TMX1: variants seen among roughly 807,000 people sequenced by gnomAD.
The protein encoded by TMX1 is thioredoxin related transmembrane protein 1.
A neutral mutation model predicts 36.6 loss-of-function variants in TMX1; 25 were observed. The observed-to-expected ratio is 0.68, with a 90% CI of 0.50 to 0.95. TMX1 has a LOEUF of 0.95. TMX1 is among the 40% of genes least tolerant of loss of function. The pLI, the probability that TMX1 is intolerant of heterozygous loss-of-function variation, is 0.00. For synonymous variants in TMX1, 133 were observed against 118.0 expected (o/e 1.13, Z -0.82); for missense variants, 347 against 339.6 (o/e 1.02, Z -0.17).
chr14:51,247,293 A>G (rs1450851107), intron 4 of TMX1, 73 bp downstream of exon 4: 4 of 1,478,830 alleles, frequency 2.7e-6, no homozygotes, highest in African/African-American at 2.9e-5. Context: ...TATGTAAAGC[A>G]TTCATACTCA....
rs745842453 is a variant in TMX1, at chr14:51,254,548, G to A, written c.*29G>A. 1.3e-6 allele frequency: 2 copies of A among 1,548,676 alleles called. No individual in the cohort carries two copies. Among genetic ancestry groups the A allele is most frequent in the Admixed American group, 2.2e-5 (1 of 45,272 alleles). On this transcript the variant is annotated 3_prime_UTR_variant, in exon 8 of 8. Transcript: ENST00000457354. ...AATTTTATAGTTATCTTAATATTAT[G>A]ATTTTGATAAAAACAGAAGATTGAT... is the stretch of plus-strand genomic sequence containing the variant.
chr14:51,246,088 T>A (rs1566710401), intron 3 of TMX1, among the ~76,000 whole-genome samples: 1 of 152,140 alleles, frequency 6.6e-6, no homozygotes, highest in African/African-American at 2.4e-5. Context: ...TTCTTTTTTT[T>A]ATGGTTTTAA....
At position 51,247,140 on chromosome 14, in the gene TMX1, G is replaced by A. The variant is rs764876179; in HGVS notation, c.363G>A (p.Lys121=). The A allele has an allele frequency of 1.2e-6, 2 of 1,612,808 alleles. No individual in the cohort carries two copies. Among genetic ancestry groups the A allele is most frequent in the East Asian group, 2.2e-5 (1 of 44,798 alleles). The change falls in exon 4 of 8, where the codon AAG becomes AAA. Residue 121 remains lysine, a synonymous_variant. Coordinates refer to ENST00000457354, the MANE Select transcript of TMX1 (RefSeq NM_030755.5). Reference sequence around the variant, plus strand: ...GCTATCAGGGTCCAAGGACTAAGAAGGACTTCATAAACTTTATAAGTGATA... The same window carrying A: ...GCTATCAGGGTCCAAGGACTAAGAAAGACTTCATAAACTTTATAAGTGATA... ...FRRYQGPRTK[K]DFINFISDKE... is the part of the protein sequence containing the mutation.
At chr14:51,242,414 A>G (rs1467524533) in intron 1 of TMX1, among the ~76,000 whole-genome samples, 2 of 152,228 alleles carry the variant, frequency 1.3e-5, no homozygotes, top group African/African-American at 4.8e-5. Flanking sequence ...TGGTCCAACT[A>G]TATAAATACA....
chr14:51,254,892 T>C lies in TMX1; in HGVS notation c.*373T>C, dbSNP rs1257513702. ...AGAGAAAAATATTTCTCATTTGATA[T>C]AATTTTTCTCTGTTTCACTGTGTGA... On this transcript the variant is annotated 3_prime_UTR_variant, in exon 8 of 8. Transcript: ENST00000457354. The C allele has an allele frequency of 6.5e-6, 1 of 154,654 alleles. No individual in the cohort carries two copies. Among genetic ancestry groups the C allele is most frequent in the Non-Finnish European group, 1.4e-5 (1 of 69,444 alleles). The allele number at this position is 154,654 out of a possible 1,614,324, so 9.6% of individuals were successfully genotyped here.
intron 7 of TMX1, among the ~76,000 whole-genome samples, chr14:51,253,076 T>A (rs2065822299): frequency 6.6e-6 from 1 of 151,966 alleles, no homozygotes; most frequent in South Asian, 2.1e-4. Flanking sequence ...CACCCACCTA[T>A]TTTTTGGAGA....
At chr14:51,244,029 CT>C in intron 2 of TMX1, 58 bp downstream of exon 2, 1 of 1,356,502 alleles carries the variant, frequency 7.4e-7, no homozygotes, top group Non-Finnish European at 1.0e-6. Flanking sequence ...TATATTTATC[CT>C]TTTTTCTACA....
chr14:51,245,581 A>G, intron 3 of TMX1: 1 of 1,150,180 alleles, frequency 8.7e-7, no homozygotes, highest in Non-Finnish European at 1.2e-6. Flanking sequence ...GTTGTTTTGG[A>G]AAGTGATGTT....
At chr14:51,254,125 A>C (rs2065827454) in intron 7 of TMX1, 1 of 367,120 alleles carries the variant, frequency 2.7e-6, no homozygotes, top group East Asian at 5.1e-5. Context: ...GGGTAATTAG[A>C]ATGACTTTGA....
rs997784294 is a variant in TMX1 at position 51,240,326 on chromosome 14, G to C, written c.34G>C (p.Ala12Pro). Reference sequence around the variant, plus strand: ...CTCCGGGAGTCTTGCAGTTCCCCTGGCAGTCCTGGTGCTGTTGCTTTGGGG... The same window carrying C: ...CTCCGGGAGTCTTGCAGTTCCCCTGCCAGTCCTGGTGCTGTTGCTTTGGGG... ...APSGSLAVPL[A>P]VLVLLLWGAP... Residue 12 changes from alanine to proline, a missense_variant, in exon 1 of 8, where the codon GCA (alanine) becomes CCA (proline). Coordinates refer to ENST00000457354, the MANE Select transcript of TMX1 (RefSeq NM_030755.5). 3 of 1,613,362 alleles carry C rather than the reference G, an allele frequency of 1.9e-6. No homozygotes were observed. The highest frequency in any genetic ancestry group is 2.5e-6 in the Non-Finnish European group (3 of 1,179,988).
chr14:51,240,320 C>A lies in TMX1; in HGVS notation c.28C>A (p.Pro10Thr). The change falls in exon 1 of 8, where the codon CCC (proline) becomes ACC (threonine). Residue 10 changes from proline (P) to threonine (T), a missense_variant. Pro to Thr is a conservative substitution (Grantham distance 38). Coordinates refer to ENST00000457354, the MANE Select transcript of TMX1 (RefSeq NM_030755.5). MAPSGSLAV[P>T]LAVLVLLLWG... ...GGCGCCCTCCGGGAGTCTTGCAGTT[C>A]CCCTGGCAGTCCTGGTGCTGTTGCT... The A allele has an allele frequency of 1.2e-6, 2 of 1,613,114 alleles. No individual in the cohort carries two copies. Among genetic ancestry groups the A allele is most frequent in the Non-Finnish European group, 8.5e-7 (1 of 1,179,976 alleles).
At chr14:51,245,649 G>A in intron 3 of TMX1, 7 of 489,768 alleles carry the variant, frequency 1.4e-5, no homozygotes, top group South Asian at 1.4e-4. Flanking sequence ...CCAAAGTAGT[G>A]GTGAGTCCTG....
rs1001027231 is a variant in TMX1 at position 51,252,136 on chromosome 14, A to G, written c.665-2205A>G. Among the ~76,000 whole-genome samples the G allele has an allele frequency of 1.6e-4, 25 of 151,826 alleles. No individual in the cohort carries two copies. The South Asian group carries it at 1.9e-3, about 11-fold the overall frequency. On this transcript the variant is annotated intron_variant, in intron 7 of 7. Transcript: ENST00000457354. Reference sequence around the variant, plus strand: ...TGAACCTAAGGAAATGACAGAGATAATACTCTACCTCTTTTAGGAAGTTAC... The same window carrying G: ...TGAACCTAAGGAAATGACAGAGATAGTACTCTACCTCTTTTAGGAAGTTAC...
rs1171775556 is a variant in TMX1, at chr14:51,255,986, G to A, written c.*1467G>A. 1 of 152,482 alleles carries A rather than the reference G, an allele frequency of 6.6e-6. No homozygotes were observed. The highest frequency in any genetic ancestry group is 1.5e-5 in the Non-Finnish European group (1 of 67,946). 9.4% of individuals were successfully genotyped at this position (152,482 alleles called of 1,614,324 possible). Reference sequence around the variant, plus strand: ...ATTGAAGAGTTTGGATGTGTAACTTGTGATGCCTTAGAAAAATATCCTAAG... The same window carrying A: ...ATTGAAGAGTTTGGATGTGTAACTTATGATGCCTTAGAAAAATATCCTAAG... On this transcript the variant is annotated 3_prime_UTR_variant, in exon 8 of 8. Transcript: ENST00000457354.
intron 1 of TMX1, 121 bp from the exon 2 acceptor site, chr14:51,243,735 C>T: frequency 1.5e-6 from 1 of 684,012 alleles, no homozygotes; most frequent in African/African-American, 1.8e-5. Context: ...ACCACCTTAT[C>T]ATCTTCAGTG....
rs147553138 is a variant in TMX1 at position 51,246,751 on chromosome 14, T to C, written c.315-341T>C. ...ATAATTACTATGTGCCAAGCACTAT[T>C]CTAATAATTTTTATATAATTCTTTT... is the stretch of plus-strand genomic sequence containing the variant. On this transcript the variant is annotated intron_variant, in intron 3 of 7. Transcript: ENST00000457354. Among the ~76,000 whole-genome samples the C allele has an allele frequency of 2.7e-3, 413 of 152,376 alleles. 1 individual carries two copies. The highest frequency in any genetic ancestry group is 0.013 in the South Asian group (64 of 4,830).
rs1275657967 is a variant in TMX1, at chr14:51,257,618, A to G, written c.*3099A>G. The G allele has an allele frequency of 1.3e-5, 2 of 152,242 alleles. No individual in the cohort carries two copies. The highest frequency in any genetic ancestry group is 2.9e-5 in the Non-Finnish European group (2 of 68,044). 9.4% of individuals were successfully genotyped at this position (152,242 alleles called of 1,614,324 possible). ...TTTGTGAAACCATTAAAACTAGAGT[A>G]ACAATAAATTTAAGTTGGAATTTTG... On this transcript the variant is annotated 3_prime_UTR_variant, in exon 8 of 8. Coordinates refer to ENST00000457354, the MANE Select transcript of TMX1 (RefSeq NM_030755.5).
rs774830657 is a variant in TMX1 at position 51,249,569 on chromosome 14, C to T, written c.591C>T (p.Leu197=). ...ATLFSGLLLG[L]CMIFVADCLC... ...TGTTTTCCGGACTGTTATTAGGACT[C>T]GTAAGTATTTCATTTTTGGAGTGCT... Residue 197 remains leucine (L), a splice_region_variant and synonymous_variant, in exon 6 of 8, where the codon CTC becomes CTT. Transcript: ENST00000457354. The T allele has an allele frequency of 5.0e-6, 8 of 1,611,728 alleles. No homozygotes were observed. The East Asian group carries it at 8.9e-5, about 18-fold the overall frequency.
At chr14:51,247,345 A>ATTTT in intron 4 of TMX1, 125 bp downstream of exon 4, 3 of 709,514 alleles carry the variant, frequency 4.2e-6, no homozygotes, top group Non-Finnish European at 5.8e-6. Context: ...CATTTATTAC[A>ATTTT]TGTTTGATTT....
Sources: allele counts gnomAD v4.1 joint callset (sites outside exome capture counted in the v4.1 genomes callset), GRCh38; gene constraint gnomAD v4.1.1; transcripts MANE v1.5; gene names NCBI Gene and HGNC (gene_info 2026-07-23, HGNC 2026-07-21).